LAMA1: variants seen among roughly 807,000 people sequenced by gnomAD.
LAMA1 encodes the protein laminin subunit alpha-1.
A neutral mutation model predicts 348.7 loss-of-function variants in LAMA1; 219 were observed. The observed-to-expected ratio is 0.63, with a 90% CI of 0.56 to 0.70. The LOEUF (loss-of-function observed/expected upper bound fraction) is 0.70, where lower values mean the gene tolerates loss of function less well. Ranked by LOEUF, LAMA1 falls within the 30% of genes least tolerant of loss-of-function variation. LAMA1 has a pLI of 0.00. For synonymous variants in LAMA1, 1,487 were observed against 1,491.0 expected (o/e 1.00, Z 0.06); for missense variants, 3,744 against 3,888.0 (o/e 0.96, Z 0.99).
At chr18:6,988,795 G>C (rs140324823) in intron 36 of LAMA1, among the ~76,000 whole-genome samples, 53 of 119,214 alleles carry the variant, frequency 4.4e-4, no homozygotes, top group African/African-American at 1.7e-3. Flanking sequence ...AGACAGAGGA[G>C]ACTCCGTCTC....
At chr18:7,050,623 T>C in intron 4 of LAMA1, 71 bp downstream of exon 4, 1 of 1,607,576 alleles carries the variant, frequency 6.2e-7, no homozygotes, top group Non-Finnish European at 8.5e-7. Flanking sequence ...TTGAGAGAGA[T>C]CAATTTTGAG....
chr18:7,090,843 CG>C (rs1317092927), intron 1 of LAMA1, among the ~76,000 whole-genome samples: 1 of 151,908 alleles, frequency 6.6e-6, no homozygotes, highest in Non-Finnish European at 1.5e-5. Context: ...TCATGTGAGA[CG>C]ATGAAGAGAA....
chr18:7,016,708 T>C (rs971896513), intron 20 of LAMA1, 37 bp from the exon 21 acceptor site: 1 of 1,554,504 alleles, frequency 6.4e-7, no homozygotes, highest in African/African-American at 1.4e-5. Context: ...GAAACCAACA[T>C]ACGTTTTAAT....
chr18:7,095,439 T>C (rs1288413235), intron 1 of LAMA1, among the ~76,000 whole-genome samples: 2 of 152,144 alleles, frequency 1.3e-5, no homozygotes, highest in African/African-American at 4.8e-5. Flanking sequence ...GAACAGTGAA[T>C]TTTCTCCCTT....
intron 3 of LAMA1, among the ~76,000 whole-genome samples, chr18:7,060,213 AT>A (rs1415813325): frequency 1.3e-5 from 2 of 152,230 alleles, no homozygotes; most frequent in African/African-American, 4.8e-5. Flanking sequence ...TTGAAATGTC[AT>A]TTATATTATA....
At chr18:7,003,391 C>T (rs2057817091) in intron 29 of LAMA1, among the ~76,000 whole-genome samples, 1 of 151,980 alleles carries the variant, frequency 6.6e-6, no homozygotes, top group Non-Finnish European at 1.5e-5. Flanking sequence ...GCCGGGACTA[C>T]AGGTGCCCAC....
At chr18:6,971,080 C>G (rs1033704047) in intron 48 of LAMA1, among the ~76,000 whole-genome samples, 6 of 152,122 alleles carry the variant, frequency 3.9e-5, no homozygotes, top group Non-Finnish European at 8.8e-5. Flanking sequence ...GACAGAGCAG[C>G]CCATTAGACA....
chr18:6,985,540 T>C lies in LAMA1; in HGVS notation c.5483A>G (p.Gln1828Arg). ...DAAAAQTDAV[Q>R]DALEHLEDHQ... ...GATGTAATTTACCTCTAGAGCATCTTGTACAGCATCTGTTTGTGCAGCAGC... is the reference window on the plus strand; with the variant it reads ...GATGTAATTTACCTCTAGAGCATCTCGTACAGCATCTGTTTGTGCAGCAGC... The change falls in exon 38 of 63, where the codon CAA becomes CGA. Residue 1828 changes from glutamine to arginine, a missense_variant. Around this residue, in one of 3 missense-constraint regions of LAMA1, gnomAD observed 1,983 missense variants for 1,934.3 expected, o/e 1.03. Transcript: ENST00000389658. 1 of 1,614,068 alleles carries C rather than the reference T, an allele frequency of 6.2e-7. No homozygotes were observed. The highest frequency in any genetic ancestry group is 8.5e-7 in the Non-Finnish European group (1 of 1,179,906).
rs2058060363 is a variant in LAMA1, at chr18:7,050,941, A to G, written c.346-5T>C. On this transcript the variant is annotated splice_polypyrimidine_tract_variant and splice_region_variant and intron_variant, in intron 3 of 62. Coordinates refer to ENST00000389658, the MANE Select transcript of LAMA1 (RefSeq NM_005559.4). ...GACATATGCAACTTGAAAGACCTGA[A>G]ACAAAGACACTGAAAAGTCTCAATC... 3 of 1,613,932 alleles carry G rather than the reference A, an allele frequency of 1.9e-6. No individual in the cohort carries two copies. Among genetic ancestry groups the G allele is most frequent in the South Asian group, 1.1e-5 (1 of 91,060 alleles).
chr18:6,978,632 A>G (rs1032441613), intron 42 of LAMA1, among the ~76,000 whole-genome samples: 18 of 152,218 alleles, frequency 1.2e-4, no homozygotes, highest in Admixed American at 1.1e-3. Flanking sequence ...GACAAATGAA[A>G]TAATTTTTGT....
At chr18:7,076,621 T>A (rs1246159534) in intron 3 of LAMA1, among the ~76,000 whole-genome samples, 1 of 147,878 alleles carries the variant, frequency 6.8e-6, no homozygotes, top group East Asian at 2.0e-4. Flanking sequence ...TTAAGAAGCA[T>A]AGCAATCCAA....
intron 42 of LAMA1, among the ~76,000 whole-genome samples, chr18:6,979,637 C>A (rs940631164): frequency 5.9e-5 from 9 of 152,348 alleles, no homozygotes; most frequent in Non-Finnish European, 1.0e-4. Context: ...CGGTGGCTCA[C>A]GCCTGTAATC....
In LAMA1 at chr18:6,943,271, A is replaced by C. The variant is rs746172474; in HGVS notation, c.8976T>G (p.Ile2992Met). 6 of 1,614,212 alleles carry C rather than the reference A, an allele frequency of 3.7e-6. No individual in the cohort carries two copies. Among genetic ancestry groups the C allele is most frequent in the Non-Finnish European group, 5.1e-6 (6 of 1,180,044 alleles). ...ANKSKHRITLIVDGNAVGAES... is the reference protein window; with the variant it reads ...ANKSKHRITLMVDGNAVGAES... The stretch of plus-strand genomic sequence containing the variant: ...CAGCGCCAACTGCGTTCCCGTCAAC[A>C]ATCAGAGTGATACGGTGTTTGCTTT... Residue 2992 changes from isoleucine to methionine, a missense_variant, in exon 62 of 63, where the codon ATT (isoleucine) becomes ATG (methionine). By Grantham distance (10) the Ile-to-Met change is conservative. This residue lies in a region of LAMA1 where 232 missense variants were observed against 264.4 expected (regional missense o/e 0.88). Transcript: ENST00000389658.
chr18:7,091,359 C>A (rs1356889211), intron 1 of LAMA1, among the ~76,000 whole-genome samples: 2 of 152,144 alleles, frequency 1.3e-5, no homozygotes, highest in Non-Finnish European at 2.9e-5. Flanking sequence ...GCAAATGCAG[C>A]CTTTAAGTTG....
At chr18:6,975,090 C>T (rs2057675840) in intron 45 of LAMA1, 54 bp from the exon 46 acceptor site, 1 of 1,591,852 alleles carries the variant, frequency 6.3e-7, no homozygotes, top group East Asian at 2.3e-5. Context: ...TGTTTGCTGA[C>T]CACCACAACA....
chr18:6,954,341 A>G (rs2057564257), intron 57 of LAMA1: 2 of 152,256 alleles, frequency 1.3e-5, no homozygotes, highest in African/African-American at 4.8e-5. Flanking sequence ...GATTTTGCAG[A>G]GGACACCTGT....
chr18:6,974,756 C>A, intron 46 of LAMA1, 147 bp downstream of exon 46: 2 of 1,094,572 alleles, frequency 1.8e-6, no homozygotes, highest in South Asian at 1.4e-5. Flanking sequence ...ATGCTTATTT[C>A]TACAGCTAAC....
Position 6,964,681 on chromosome 18 carries a change from G to C in LAMA1, c.7318C>G (p.Pro2440Ala), listed in dbSNP as rs768864328. 2 of 1,614,018 alleles carry C rather than the reference G, an allele frequency of 1.2e-6. No individual in the cohort carries two copies. The highest frequency in any genetic ancestry group is 1.7e-6 in the Non-Finnish European group (2 of 1,180,024). Residue 2440 changes from proline (P) to alanine (A), a missense_variant, in exon 51 of 63, where the codon CCA (proline) becomes GCA (alanine). Physicochemically the swap from Pro to Ala is conservative, Grantham distance 27. Coordinates refer to ENST00000389658, the MANE Select transcript of LAMA1 (RefSeq NM_005559.4). Reference protein sequence around the residue: ...DKDPIYVGGLPRSRVVRRGVT... With the variant: ...DKDPIYVGGLARSRVVRRGVT... ...ATATACCTTACAACTCTTGACCTTG[G>C]TAATCCACCCACATAAATCGGGTCC... is the stretch of plus-strand genomic sequence containing the variant.
chr18:6,978,280 G>C lies in LAMA1; in HGVS notation c.6106C>G (p.Leu2036Val). The part of the protein sequence containing the change: ...LRDVAGLSQE[L>V]LNTSASLSRV... ...GACAGGCTGGCAGATGTGTTCAGCA[G>C]CTCCTGGCTCAGCCCCGCCACGTCC... Residue 2036 changes from leucine to valine, a missense_variant, in exon 43 of 63, where the codon CTG becomes GTG. Physicochemically the swap from Leu to Val is conservative, Grantham distance 32. Coordinates refer to ENST00000389658, the MANE Select transcript of LAMA1 (RefSeq NM_005559.4). The C allele has an allele frequency of 6.2e-7, 1 of 1,614,218 alleles. No homozygotes were observed.
Sources: allele counts gnomAD v4.1 joint callset (sites outside exome capture counted in the v4.1 genomes callset), GRCh38; gene constraint gnomAD v4.1.1; regional missense constraint gnomAD v4.1.1; transcripts MANE v1.5; gene names NCBI Gene and HGNC (gene_info 2026-07-23, HGNC 2026-07-21).